The following ITGA1 variants were observed in gnomAD, a reference collection of about 807,000 sequenced individuals.
ITGA1 encodes integrin alpha-1.
ITGA1 carries 85 observed loss-of-function variants against 145.9 expected under a neutral mutation model. That is an observed-to-expected ratio of 0.58 (90% CI 0.49 to 0.70). The LOEUF is 0.70. ITGA1 is among the 30% of genes least tolerant of loss of function. ITGA1 has a pLI of 0.00. For missense variants in ITGA1, 1,351 were observed against 1,418.7 expected (o/e 0.95, Z 0.77); for synonymous variants, 520 against 495.3 (o/e 1.05, Z -0.66).
chr5:52,898,536 C>G (rs1209886489), intron 11 of ITGA1, among the ~76,000 whole-genome samples, 153 bp downstream of exon 11: 1 of 152,088 alleles, frequency 6.6e-6, no homozygotes, highest in Non-Finnish European at 1.5e-5. Flanking sequence ...AGTTTTAGGC[C>G]TCTGAGCAGC....
At chr5:52,809,203 A>G (rs1748645085) in intron 1 of ITGA1, among the ~76,000 whole-genome samples, 1 of 152,160 alleles carries the variant, frequency 6.6e-6, no homozygotes, top group Non-Finnish European at 1.5e-5. Flanking sequence ...AGTACCTACT[A>G]TGTGACAGGG....
chr5:52,864,548 A>C (rs1749654118), intron 3 of ITGA1, among the ~76,000 whole-genome samples: 1 of 152,240 alleles, frequency 6.6e-6, no homozygotes, highest in Non-Finnish European at 1.5e-5. Context: ...ACAGTTCAGC[A>C]AAACTATCTG....
At chr5:52,882,219 C>T (rs947912756) in intron 7 of ITGA1, among the ~76,000 whole-genome samples, 198 bp downstream of exon 7, 22 of 152,146 alleles carry the variant, frequency 1.4e-4, no homozygotes, top group Non-Finnish European at 2.8e-4. Context: ...TCTTATCCTT[C>T]TCTTGTTACA....
Position 52,814,156 on chromosome 5 carries a change from T to G in ITGA1, c.61+25742T>G, listed in dbSNP as rs544474469. On this transcript the variant is annotated intron_variant, in intron 1 of 28. Coordinates refer to ENST00000282588, the MANE Select transcript of ITGA1 (RefSeq NM_181501.2). ...AATGAGTTGTTTTTTGGTTTGTTTGTTTGATTTTGAGACAGAGTCTCGCTC... is the reference window on the plus strand; with the variant it reads ...AATGAGTTGTTTTTTGGTTTGTTTGGTTGATTTTGAGACAGAGTCTCGCTC... 3.3e-4 allele frequency among the ~76,000 whole-genome samples: 50 copies of G among 152,316 alleles called. 1 individual carries two copies. The South Asian group carries it at 9.9e-3, about 30-fold the overall frequency.
chr5:52,950,415 TA>T (rs1448876075), intron 28 of ITGA1, among the ~76,000 whole-genome samples: 3 of 152,236 alleles, frequency 2.0e-5, no homozygotes, highest in Non-Finnish European at 4.4e-5. Flanking sequence ...ATTCAGCAAT[TA>T]TTCCATGTTA....
chr5:52,855,200 A>G (rs1390220371), intron 2 of ITGA1, among the ~76,000 whole-genome samples: 3 of 152,186 alleles, frequency 2.0e-5, no homozygotes, highest in Non-Finnish European at 4.4e-5. Flanking sequence ...CAGGATATGG[A>G]ACACCAGCCT....
intron 15 of ITGA1, among the ~76,000 whole-genome samples, chr5:52,916,535 AG>A (rs1466480533): frequency 6.6e-6 from 1 of 152,176 alleles, no homozygotes; most frequent in African/African-American, 2.4e-5. Context: ...CTATAATTTA[AG>A]ATAATGCTTA....
At chr5:52,800,029 C>T (rs1748425348) in intron 1 of ITGA1, 1 of 289,128 alleles carries the variant, frequency 3.5e-6, no homozygotes, top group Non-Finnish European at 6.6e-6. Flanking sequence ...GAACTGCGGC[C>T]CCGCCTCTCC....
At chr5:52,800,626 GC>G in intron 1 of ITGA1, 1 of 1,614,072 alleles carries the variant, frequency 6.2e-7, no homozygotes, top group Non-Finnish European at 8.5e-7. Context: ...CGACTCTCAA[GC>G]CTGCCAGCTG....
At chr5:52,864,908 T>C (rs1000870432) in intron 4 of ITGA1, 57 bp downstream of exon 4, 3 of 1,551,940 alleles carry the variant, frequency 1.9e-6, no homozygotes, top group African/African-American at 1.4e-5. Flanking sequence ...TTTTAAGTCT[T>C]TGTAAGATCT....
chr5:52,858,390 G>A (rs1450992455), intron 2 of ITGA1, among the ~76,000 whole-genome samples: 1 of 152,194 alleles, frequency 6.6e-6, no homozygotes, highest in Non-Finnish European at 1.5e-5. Context: ...AGACTTTGCT[G>A]AAGTTGCATC....
In ITGA1 at chr5:52,910,341, T is replaced by A. The variant is rs1440641203; in HGVS notation, c.1779T>A (p.Ala593=). The change falls in exon 14 of 29, where the codon GCT becomes GCA. Residue 593 remains alanine (A), a synonymous_variant. Coordinates refer to ENST00000282588, the MANE Select transcript of ITGA1 (RefSeq NM_181501.2). ...LDGFNDIVIG[A]PLEDDHGGAV... ...GATTTAATGACATCGTGATAGGAGC[T>A]CCGCTGGAAGATGATCACGGGGGAG... is the stretch of plus-strand genomic sequence containing the variant. 6.2e-7 allele frequency: 1 copy of A among 1,613,810 alleles called. No homozygotes were observed. The highest frequency in any genetic ancestry group is 2.2e-5 in the East Asian group (1 of 44,862).
chr5:52,791,298 A>G (rs2111639887), intron 1 of ITGA1, among the ~76,000 whole-genome samples: 1 of 152,318 alleles, frequency 6.6e-6, no homozygotes, highest in South Asian at 2.1e-4. Flanking sequence ...GTAGGGAAAA[A>G]AGAACCTGAA....
chr5:52,800,332 C>G, intron 1 of ITGA1: 2 of 1,589,988 alleles, frequency 1.3e-6, no homozygotes, highest in East Asian at 2.2e-5. Flanking sequence ...ATCCCCTCTC[C>G]CGGGGCGGAG....
intron 2 of ITGA1, among the ~76,000 whole-genome samples, chr5:52,854,199 C>A (rs2111759143): frequency 6.6e-6 from 1 of 152,228 alleles, no homozygotes; most frequent in Middle Eastern, 3.4e-3. Flanking sequence ...CTGCTTTATG[C>A]CAGGTCAGGG....
At chr5:52,925,616 C>G in intron 19 of ITGA1, 129 bp downstream of exon 19, 1 of 676,216 alleles carries the variant, frequency 1.5e-6, no homozygotes, top group Non-Finnish European at 2.5e-6. Flanking sequence ...TACATTAGTC[C>G]TCACCAATGG....
Position 52,788,295 on chromosome 5 carries a change from C to A in ITGA1, c.-59C>A. The stretch of plus-strand genomic sequence containing the variant: ...TGGCCCAGCCAGAGAGCGCAGCTCC[C>A]GCGCCCGGTCCTGCCCTGCGAACCA... On this transcript the variant is annotated 5_prime_UTR_variant, in exon 1 of 29. Coordinates refer to ENST00000282588, the MANE Select transcript of ITGA1 (RefSeq NM_181501.2). The A allele has an allele frequency of 7.4e-7, 1 of 1,342,368 alleles. No homozygotes were observed. Among genetic ancestry groups the A allele is most frequent in the Non-Finnish European group, 9.7e-7 (1 of 1,027,074 alleles). The allele number at this position is 1,342,368 out of a possible 1,614,324, so 83.2% of individuals were successfully genotyped here.
chr5:52,912,592 G>GTATCCACTATA, intron 14 of ITGA1, among the ~76,000 whole-genome samples: 1 of 104,764 alleles, frequency 9.5e-6, no homozygotes, highest in African/African-American at 4.6e-5. Context: ...TCCACTATAG[G>GTATCCACTATA]TATTATATAT....
intron 15 of ITGA1, among the ~76,000 whole-genome samples, chr5:52,917,205 C>T (rs982852250): frequency 1.5e-4 from 23 of 152,110 alleles, no homozygotes; most frequent in Non-Finnish European, 3.1e-4. Context: ...GGACAATGGT[C>T]GAGGCAGCTT....
Sources: gnomAD v4.1 joint callset for allele counts (sites outside exome capture counted in the v4.1 genomes callset) on GRCh38, gnomAD v4.1.1 for gene constraint, MANE v1.5 for transcripts, NCBI Gene and HGNC (gene_info 2026-07-23, HGNC 2026-07-21) for gene names.